Variants in IQGAP1 observed in about 807,000 individuals in gnomAD.
IQGAP1 encodes the protein ras GTPase-activating-like protein IQGAP1.
Under a neutral mutation model 215.6 loss-of-function variants are expected in IQGAP1, and 66 were observed. That is an observed-to-expected ratio of 0.31 (90% CI 0.25 to 0.38). The LOEUF is 0.38. IQGAP1 is among the 10% of genes least tolerant of loss of function. The pLI is 1.00. For synonymous variants in IQGAP1, 772 were observed against 728.7 expected, an observed-to-expected ratio of 1.06 and a Z score of -0.96; for missense variants, 1,712 against 1,997.1, an observed-to-expected ratio of 0.86 and a Z score of 2.72.
intron 9 of IQGAP1, among the ~76,000 whole-genome samples, chr15:90,444,279 G>GTGTGTGTGTGTGTGTGTGTA (rs773341335): frequency 1.4e-5 from 1 of 72,976 alleles, no homozygotes; most frequent in African/African-American, 7.2e-5. Flanking sequence ...GTGTGTGTGT[G>GTGTGTGTGTGTGTGTGTGTA]TATATATATA....
chr15:90,487,620 G>C, intron 33 of IQGAP1, 38 bp downstream of exon 33: 2 of 1,378,662 alleles, frequency 1.5e-6, no homozygotes, highest in Non-Finnish European at 2.1e-6. Flanking sequence ...TTGTTTGGTA[G>C]ATAAGCTCTC....
In IQGAP1 at chr15:90,458,435, C is replaced by T. The variant is rs8024089; in HGVS notation, c.1776+2120C>T. Among the ~76,000 whole-genome samples the T allele has an allele frequency of 8.1e-3, 1,237 of 152,188 alleles. 10 individuals carry two copies. Among genetic ancestry groups the T allele is most frequent in the African/African-American group, 0.027 (1,139 of 41,518 alleles). ...TACTTCCCTTTTTAGATATGGAAGC[C>T]GACCTAGCTTATTCTCCGAAACCCC... On this transcript the variant is annotated intron_variant, in intron 15 of 37. Coordinates refer to ENST00000268182, the MANE Select transcript of IQGAP1 (RefSeq NM_003870.4).
intron 2 of IQGAP1, among the ~76,000 whole-genome samples, chr15:90,407,847 A>G (rs1333404423): frequency 6.6e-6 from 1 of 152,232 alleles, no homozygotes; most frequent in Non-Finnish European, 1.5e-5. Context: ...AAGATGCGAA[A>G]GTATAAAACA....
chr15:90,466,563 AT>A (rs1199515085), intron 17 of IQGAP1, 127 bp downstream of exon 17: 11 of 861,094 alleles, frequency 1.3e-5, no homozygotes, highest in Non-Finnish European at 1.8e-5. Context: ...ACTTAGGCTC[AT>A]TTTAAAGGAG....
chr15:90,445,573 C>A (rs1044312147), intron 9 of IQGAP1, among the ~76,000 whole-genome samples: 2 of 152,086 alleles, frequency 1.3e-5, no homozygotes, highest in Non-Finnish European at 2.9e-5. Flanking sequence ...GTAGAGATTA[C>A]GTATTCTGCT....
At chr15:90,482,124 C>T in intron 27 of IQGAP1, 24 bp downstream of exon 27, 2 of 1,614,178 alleles carry the variant, frequency 1.2e-6, no homozygotes, top group Non-Finnish European at 1.7e-6. Flanking sequence ...GTTGTCATGA[C>T]CCCCAGTAGA....
intron 2 of IQGAP1, among the ~76,000 whole-genome samples, chr15:90,416,820 A>G (rs968066894): frequency 6.6e-6 from 1 of 151,898 alleles, no homozygotes; most frequent in Non-Finnish European, 1.5e-5. Context: ...CTCATGATCC[A>G]CCTGCCTTGG....
intron 15 of IQGAP1, among the ~76,000 whole-genome samples, chr15:90,456,571 T>C (rs1965683149): frequency 6.6e-6 from 1 of 152,058 alleles, no homozygotes; most frequent in Non-Finnish European, 1.5e-5. Context: ...GTAAATTCTT[T>C]ACTGAAATAT....
At chr15:90,426,020 T>A in intron 2 of IQGAP1, 90 bp from the exon 3 acceptor site, 1 of 1,284,394 alleles carries the variant, frequency 7.8e-7, no homozygotes, top group South Asian at 1.5e-5. Context: ...TTTAAGCTTC[T>A]CCAAGGAGAA....
chr15:90,404,233 C>T (rs776862816), intron 2 of IQGAP1, among the ~76,000 whole-genome samples: 5 of 152,158 alleles, frequency 3.3e-5, no homozygotes, highest in Admixed American at 1.3e-4. Flanking sequence ...AATTTGCTCT[C>T]GTAAGAGGTT....
intron 2 of IQGAP1, among the ~76,000 whole-genome samples, chr15:90,424,112 CCAAGTTAGATTGT>C (rs1311014722): frequency 6.6e-6 from 1 of 151,794 alleles, no homozygotes; most frequent in Non-Finnish European, 1.5e-5. Context: ...TAATGAGAAC[CCAAGTTAGATTGT>C]CCCCTGAGAG....
intron 29 of IQGAP1, 66 bp downstream of exon 29, chr15:90,483,659 TA>T: frequency 8.2e-7 from 1 of 1,213,380 alleles, no homozygotes; most frequent in Non-Finnish European, 1.2e-6. Flanking sequence ...AGGGGAAAAA[TA>T]AGATTAAAAA....
In IQGAP1 at chr15:90,500,451, A is replaced by G. The variant is rs533644082; in HGVS notation, c.*343A>G. The G allele has an allele frequency of 3.2e-5, 6 of 188,894 alleles. No individual in the cohort carries two copies. Among genetic ancestry groups the G allele is most frequent in the Non-Finnish European group, 5.6e-5 (5 of 89,246 alleles). The allele number at this position is 188,894 out of a possible 1,614,324, so 11.7% of individuals were successfully genotyped here. A position where few individuals can be genotyped will look rare whatever the true frequency, so the allele number is the denominator to read the frequency against. ...AAGCTTTGGTGTTTGTTTAATTAGC[A>G]ATAGGGATGGTAGGATTCAAATGTG... On this transcript the variant is annotated 3_prime_UTR_variant, in exon 38 of 38. Transcript: ENST00000268182.
intron 33 of IQGAP1, among the ~76,000 whole-genome samples, chr15:90,488,645 A>G (rs1250267205): frequency 2.0e-5 from 3 of 152,182 alleles, no homozygotes; most frequent in Non-Finnish European, 2.9e-5. Context: ...GAAAAATAAG[A>G]GAAGTTTCAG....
intron 26 of IQGAP1, among the ~76,000 whole-genome samples, chr15:90,478,644 C>G (rs376355472): frequency 1.2e-4 from 19 of 152,140 alleles, no homozygotes; most frequent in African/African-American, 4.6e-4. Flanking sequence ...AGCTGAGGCC[C>G]TAAAGCTAAG....
intron 33 of IQGAP1, among the ~76,000 whole-genome samples, chr15:90,489,253 C>T (rs565289094): frequency 1.3e-4 from 20 of 151,790 alleles, no homozygotes; most frequent in South Asian, 2.1e-4. Context: ...CTCAGCCTCC[C>T]GAGTAGCTGG....
chr15:90,454,418 T>A lies in IQGAP1; in HGVS notation c.1488-10T>A, dbSNP rs541153226. On this transcript the variant is annotated splice_polypyrimidine_tract_variant and intron_variant, in intron 13 of 37. Coordinates refer to ENST00000268182, the MANE Select transcript of IQGAP1 (RefSeq NM_003870.4). The stretch of plus-strand genomic sequence containing the variant: ...GCTTAATGCTCTTTTTACTTGGGGG[T>A]CTGGGGCAGGTATCTCGATGAGTTG... The A allele has an allele frequency of 1.9e-6, 3 of 1,613,484 alleles. No homozygotes were observed. Among genetic ancestry groups the A allele is most frequent in the Non-Finnish European group, 2.5e-6 (3 of 1,179,706 alleles).
Position 90,456,165 on chromosome 15 carries a change from T to A in IQGAP1, c.1626T>A (p.Ile542=). 6.2e-7 allele frequency: 1 copy of A among 1,613,302 alleles called. No individual in the cohort carries two copies. Among genetic ancestry groups the A allele is most frequent in the Non-Finnish European group, 8.5e-7 (1 of 1,179,736 alleles). ...VQEEHERILA[I]GLINEALDEG... The stretch of plus-strand genomic sequence containing the variant: ...CTTTATATTTAGGGATTTTAGCCAT[T>A]GGTTTAATTAATGAAGCCCTGGATG... The change falls in exon 15 of 38, where the codon ATT becomes ATA. Residue 542 remains isoleucine, a synonymous_variant. Coordinates refer to ENST00000268182, the MANE Select transcript of IQGAP1 (RefSeq NM_003870.4).
Position 90,448,724 on chromosome 15 carries a change from G to A in IQGAP1, c.1065G>A (p.Gln355=), listed in dbSNP as rs1245582768. The change falls in exon 10 of 38, where the codon CAG becomes CAA. Residue 355 remains glutamine (Q), a synonymous_variant. Coordinates refer to ENST00000268182, the MANE Select transcript of IQGAP1 (RefSeq NM_003870.4). ...WYLKQLLSDK[Q]QKRQSGQTDP... ...TGAAGCAGCTCCTGAGTGATAAACA[G>A]CAGAAGAGACAGGTAAACATAGTCT... 6.3e-7 allele frequency: 1 copy of A among 1,591,538 alleles called. No homozygotes were observed. The highest frequency in any genetic ancestry group is 8.5e-7 in the Non-Finnish European group (1 of 1,170,470).
Sources: gnomAD v4.1 joint callset for allele counts (sites outside exome capture counted in the v4.1 genomes callset) on GRCh38, gnomAD v4.1.1 for gene constraint, MANE v1.5 for transcripts, NCBI Gene and HGNC (gene_info 2026-07-23, HGNC 2026-07-21) for gene names.